CLYBL: variants seen among roughly 807,000 people sequenced by gnomAD.
The protein encoded by CLYBL is citramalyl-CoA lyase.
CLYBL carries 31 observed loss-of-function variants against 38.9 expected under a neutral mutation model. The ratio of observed to expected loss-of-function variants is 0.80; its 90% CI spans 0.60 to 1.08. The LOEUF is 1.08. CLYBL is among the 50% of genes least tolerant of loss of function. The pLI is 0.00. For synonymous variants in CLYBL, 171 were observed against 158.6 expected, an observed-to-expected ratio of 1.08 and a Z score of -0.59; for missense variants, 434 against 411.6, an observed-to-expected ratio of 1.05 and a Z score of -0.47.
chr13:99,785,960 A>T (rs890126364), intron 2 of CLYBL, among the ~76,000 whole-genome samples: 2 of 151,812 alleles, frequency 1.3e-5, no homozygotes, highest in African/African-American at 2.4e-5. Context: ...CTCACTATGG[A>T]GAATGAGGAT....
chr13:99,839,078 C>G (rs1189918159), intron 2 of CLYBL, among the ~76,000 whole-genome samples: 1 of 152,146 alleles, frequency 6.6e-6, no homozygotes, highest in African/African-American at 2.4e-5. Context: ...TCAACTAAAC[C>G]TTTTTATCAA....
intron 1 of CLYBL, among the ~76,000 whole-genome samples, chr13:99,673,286 A>G (rs2047594500): frequency 6.6e-6 from 1 of 151,958 alleles, no homozygotes; most frequent in Admixed American, 6.5e-5. Context: ...GGTGGCGCAC[A>G]CCTGTAATCC....
intron 2 of CLYBL, among the ~76,000 whole-genome samples, chr13:99,834,256 T>C (rs1048391252): frequency 8.5e-5 from 13 of 152,078 alleles, no homozygotes; most frequent in Non-Finnish European, 2.9e-5. Flanking sequence ...GCCAAGCCAG[T>C]GTCAAGCAGG....
chr13:99,761,955 G>T (rs1416518796), intron 1 of CLYBL, among the ~76,000 whole-genome samples: 2 of 152,098 alleles, frequency 1.3e-5, no homozygotes, highest in Non-Finnish European at 2.9e-5. Flanking sequence ...TTGGCCATTT[G>T]TATGTCTTCA....
At chr13:99,651,712 A>G (rs1482130400) in intron 1 of CLYBL, among the ~76,000 whole-genome samples, 1 of 152,000 alleles carries the variant, frequency 6.6e-6, no homozygotes, top group Non-Finnish European at 1.5e-5. Context: ...TGGGTGGATC[A>G]TGAGGTCAGG....
intron 1 of CLYBL, among the ~76,000 whole-genome samples, chr13:99,669,617 G>A (rs977951787): frequency 1.3e-5 from 2 of 152,210 alleles, no homozygotes; most frequent in East Asian, 3.9e-4. Context: ...AGTTTACTGA[G>A]AGCCTACCTT....
At chr13:99,758,076 G>T (rs962418926) in intron 1 of CLYBL, among the ~76,000 whole-genome samples, 4 of 152,196 alleles carry the variant, frequency 2.6e-5, no homozygotes, top group Admixed American at 2.6e-4. Context: ...TAAGTGGCAA[G>T]GACCTAGAAA....
intron 1 of CLYBL, among the ~76,000 whole-genome samples, chr13:99,702,359 G>A (rs922353630): frequency 3.3e-5 from 5 of 152,216 alleles, no homozygotes; most frequent in South Asian, 2.1e-4. Context: ...AGCCGGGCGC[G>A]GTGGCTCATG....
intron 3 of CLYBL, among the ~76,000 whole-genome samples, chr13:99,860,862 CT>C (rs1176831736): frequency 1.3e-5 from 2 of 152,232 alleles, no homozygotes; most frequent in African/African-American, 4.8e-5. Flanking sequence ...TCTTGCTCGC[CT>C]TTTGTCGCTA....
intron 2 of CLYBL, among the ~76,000 whole-genome samples, chr13:99,799,920 T>C (rs2050098434): frequency 6.6e-6 from 1 of 152,206 alleles, no homozygotes; most frequent in Admixed American, 6.5e-5. Context: ...TGCAGCGGTG[T>C]GGTGTGTGAG....
At chr13:99,844,623 G>A (rs558978069) in intron 2 of CLYBL, among the ~76,000 whole-genome samples, 4 of 152,238 alleles carry the variant, frequency 2.6e-5, no homozygotes, top group South Asian at 4.1e-4. Context: ...AATCATCTTC[G>A]GTGTCCTCTT....
chr13:99,677,285 A>G (rs2047667720), intron 1 of CLYBL, among the ~76,000 whole-genome samples: 1 of 152,196 alleles, frequency 6.6e-6, no homozygotes, highest in South Asian at 2.1e-4. Context: ...TAACCTCTCC[A>G]AGATAAAGAT....
chr13:99,719,598 C>T (rs2048365869), intron 1 of CLYBL, among the ~76,000 whole-genome samples: 1 of 152,118 alleles, frequency 6.6e-6, no homozygotes, highest in African/African-American at 2.4e-5. Context: ...CCTCCACCTC[C>T]TGGGTTCAAG....
intron 1 of CLYBL, among the ~76,000 whole-genome samples, chr13:99,746,862 C>T (rs1594156034): frequency 6.6e-6 from 1 of 152,174 alleles, no homozygotes; most frequent in African/African-American, 2.4e-5. Context: ...AAGTTCTCAG[C>T]GACATTAACA....
At position 99,724,022 on chromosome 13, in the gene CLYBL, C is replaced by A. The variant is rs574302077; in HGVS notation, c.63-48802C>A. On this transcript the variant is annotated intron_variant, in intron 1 of 8. Coordinates refer to ENST00000339105, the MANE Select transcript of CLYBL (RefSeq NM_206808.5). ...TCCTTTTTGCTGCAATGAGTTGTGT[C>A]ATTCCCTCATGGTCAGCACTTTTGT... Among the ~76,000 whole-genome samples, 7 of 152,294 alleles carry A rather than the reference C, an allele frequency of 4.6e-5. No homozygotes were observed. The South Asian group carries it at 1.5e-3, about 32-fold the overall frequency.
At chr13:99,891,575 A>G (rs959959143) in intron 8 of CLYBL, 138 bp downstream of exon 8, 2 of 549,612 alleles carry the variant, frequency 3.6e-6, no homozygotes, top group African/African-American at 3.8e-5. Flanking sequence ...CTCACTGGCC[A>G]GTTATTCCCC....
intron 1 of CLYBL, among the ~76,000 whole-genome samples, chr13:99,759,605 G>A (rs1291286990): frequency 1.3e-5 from 2 of 152,078 alleles, no homozygotes; most frequent in Non-Finnish European, 2.9e-5. Context: ...TCATGCTCTA[G>A]GTAAGGATAC....
chr13:99,606,719 G>GGCGGCGCGCGGAGCT lies in CLYBL; in HGVS notation c.31_45dup (p.Arg11_Ala15dup). The stretch of plus-strand genomic sequence containing the variant: ...AGATGGCGCTACGTCTGCTGCGGAG[G>GGCGGCGCGCGGAGCT]GCGGCGCGCGGAGCTGCGGCGGCGG... On this transcript the variant is annotated inframe_insertion, in exon 1 of 9. Transcript: ENST00000339105. 1 of 1,492,252 alleles carries GGCGGCGCGCGGAGCT rather than the reference G, an allele frequency of 6.7e-7. No homozygotes were observed. The highest frequency in any genetic ancestry group is 8.9e-7 in the Non-Finnish European group (1 of 1,127,518). 92.4% of individuals were successfully genotyped at this position (1,492,252 alleles called of 1,614,324 possible).
chr13:99,832,425 T>C (rs570139688), intron 2 of CLYBL, among the ~76,000 whole-genome samples: 43 of 152,320 alleles, frequency 2.8e-4, no homozygotes, highest in African/African-American at 9.6e-4. Flanking sequence ...ACAACATGTA[T>C]TAAATACTTA....
Sources: allele counts gnomAD v4.1 joint callset (sites outside exome capture counted in the v4.1 genomes callset), GRCh38; gene constraint gnomAD v4.1.1; transcripts MANE v1.5; gene names NCBI Gene and HGNC (gene_info 2026-07-23, HGNC 2026-07-21).